The following TLE2 variants were observed in gnomAD, a reference collection of about 807,000 sequenced individuals.
TLE2 encodes transducin-like enhancer protein 2.
TLE2 carries 74 observed loss-of-function variants against 97.2 expected under a neutral mutation model. The observed-to-expected ratio is 0.76, with a 90% CI of 0.63 to 0.92. TLE2 has a LOEUF of 0.92. Among genes scored for constraint, TLE2 ranks in the 40% least tolerant of loss-of-function variants. The pLI is 0.00. For missense variants in TLE2, 1,038 were observed against 1,008.7 expected (o/e 1.03, Z -0.39); for synonymous variants, 499 against 432.1 (o/e 1.15, Z -1.92).
intron 15 of TLE2, 161 bp downstream of exon 15, chr19:3,006,259 G>T: frequency 7.9e-7 from 1 of 1,266,564 alleles, no homozygotes; most frequent in Non-Finnish European, 1.1e-6. Flanking sequence ...CCTTTGGCCT[G>T]CAAGCCTTGT....
At chr19:3,022,057 A>G (rs915450920) in intron 5 of TLE2, among the ~76,000 whole-genome samples, 1 of 150,780 alleles carries the variant, frequency 6.6e-6, no homozygotes, top group African/African-American at 2.4e-5. Context: ...TTATACATAT[A>G]TACTTATTTA....
intron 5 of TLE2, among the ~76,000 whole-genome samples, chr19:3,024,305 C>T (rs377374281): frequency 1.8e-4 from 27 of 152,074 alleles, no homozygotes; most frequent in African/African-American, 6.5e-4. Flanking sequence ...CGCACCTGGC[C>T]GAATTACAGT....
chr19:3,046,558 T>C (rs1568258869), upstream of TLE2, among the ~76,000 whole-genome samples: 1 of 147,686 alleles, frequency 6.8e-6, no homozygotes, highest in Non-Finnish European at 1.5e-5. Flanking sequence ...GAGTCCCCAG[T>C]CCCCTGACAG....
upstream of TLE2, among the ~76,000 whole-genome samples, chr19:3,030,524 C>A (rs2090014727): frequency 6.6e-6 from 1 of 152,166 alleles, no homozygotes; most frequent in Admixed American, 6.5e-5. Context: ...ATCCATGCCC[C>A]TTGATGACAC....
At chr19:3,032,115 G>A (rs2090029722), upstream of TLE2, among the ~76,000 whole-genome samples, 1 of 151,968 alleles carries the variant, frequency 6.6e-6, no homozygotes, top group Non-Finnish European at 1.5e-5. This position sits in a 1 kb window ranked among gnomAD's most constrained non-coding sequence, Gnocchi z 4.1. Context: ...TGTATTATTA[G>A]TAGAGACGGA....
Position 3,009,680 on chromosome 19 carries a change from CAG to C in TLE2, c.1033_1034del (p.Leu345ValfsTer50), listed in dbSNP as rs1568235971. On this transcript the variant is annotated frameshift_variant, in exon 13 of 20. Coordinates refer to ENST00000262953, the MANE Select transcript of TLE2 (RefSeq NM_003260.5). LOFTEE classifies it high-confidence loss of function. ...DSVALRSPLTLSSPFTTSFSL... is the reference protein window; with the variant it reads ...DSVALRSPLTXSSPFTTSFSL... ...TGAAGGACGTGGTGAAGGGACTGGA[CAG>C]AGTCAGGGGGCTCCTCAGGGCTGAG... 2 of 1,612,422 alleles carry C rather than the reference CAG, an allele frequency of 1.2e-6. No individual in the cohort carries two copies. The highest frequency in any genetic ancestry group is 1.7e-6 in the Non-Finnish European group (2 of 1,179,324).
rs776679423 is a variant in TLE2 at position 3,027,743 on chromosome 19, G to A, written c.231+86C>T. ...GACCCGTGTTCCCTAGGTCTGCTCT[G>A]GCCCCGGCTGCCCACTCTGGGTCCT... On this transcript the variant is annotated intron_variant, in intron 4 of 19. Coordinates refer to ENST00000262953, the MANE Select transcript of TLE2 (RefSeq NM_003260.5). 1.8e-4 allele frequency: 245 copies of A among 1,380,840 alleles called. 1 individual carries two copies. Among genetic ancestry groups the A allele is most frequent in the Non-Finnish European group, 2.3e-4 (232 of 991,692 alleles). 85.5% of individuals were successfully genotyped at this position (1,380,840 alleles called of 1,614,324 possible). A position where few individuals can be genotyped will look rare whatever the true frequency, so the allele number is the denominator to read the frequency against.
rs369264491 is a variant in TLE2, at chr19:3,005,834, G to A, written c.1635C>T (p.Ser545=). 7 of 1,613,880 alleles carry A rather than the reference G, an allele frequency of 4.3e-6. No individual in the cohort carries two copies. The African/African-American group carries it at 8.0e-5, about 18-fold the overall frequency. Residue 545 remains serine, a synonymous_variant, in exon 16 of 20, where the codon TCC becomes TCT. Transcript: ENST00000262953. Reference sequence around the variant, plus strand: ...CCAGGGCGTAGCAGGCTGGGGCTGAGGAAGTCAGCTCGGCCTTGATACGGG... The same window carrying A: ...CCAGGGCGTAGCAGGCTGGGGCTGAAGAAGTCAGCTCGGCCTTGATACGGG... ...PTPRIKAELT[S]SAPACYALAV... is the part of the protein sequence containing the mutation.
intron 19 of TLE2, among the ~76,000 whole-genome samples, chr19:3,000,284 C>T (rs1052778741): frequency 6.6e-6 from 1 of 151,542 alleles, no homozygotes; most frequent in Non-Finnish European, 1.5e-5. Flanking sequence ...ACCATATTAG[C>T]CAGGGTGGTC....
chr19:3,027,050 CTGAGGTCAATCTCAGAACCG>C (rs2089959497), intron 4 of TLE2, among the ~76,000 whole-genome samples: 1 of 152,114 alleles, frequency 6.6e-6, no homozygotes, highest in East Asian at 1.9e-4. Flanking sequence ...TCTCAGAAAA[CTGAGGTCAATCTCAGAACCG>C]TGAGGTCTAT....
At chr19:3,024,121 C>A (rs2089899616) in intron 5 of TLE2, among the ~76,000 whole-genome samples, 1 of 151,370 alleles carries the variant, frequency 6.6e-6, no homozygotes, top group African/African-American at 2.4e-5. Context: ...CTGCCTCAGC[C>A]TCCCGAGTAG....
At position 3,011,177 on chromosome 19, in the gene TLE2, G is replaced by A; in HGVS notation, c.874-17C>T. On this transcript the variant is annotated splice_polypyrimidine_tract_variant and intron_variant, in intron 11 of 19. Transcript: ENST00000262953. ...AAGGTCATTCTGCAGAGAAAGGGCA[G>A]GACTGAAGGCCACCAGGCACCTGGT... 1 of 1,561,590 alleles carries A rather than the reference G, an allele frequency of 6.4e-7. No individual in the cohort carries two copies. Among genetic ancestry groups the A allele is most frequent in the South Asian group, 1.2e-5 (1 of 83,022 alleles).
Position 3,019,339 on chromosome 19 carries a change from T to G in TLE2, c.494A>C (p.Gln165Pro). Residue 165 changes from glutamine to proline, a missense_variant, in exon 7 of 20, where the codon CAG becomes CCG. Transcript: ENST00000262953. The surrounding 1 kb of genome is among the most constrained non-coding windows in gnomAD (Gnocchi z 5.1). ...GTCCTCCTTGACAGCCGCCGCCAGC[T>G]GAGCCTGGGCAGCCAGGGCTCCAGA... ...ALSGALAAQA[Q>P]LAAAVKEDRA... 6.4e-7 allele frequency: 1 copy of G among 1,570,924 alleles called. No homozygotes were observed. Among genetic ancestry groups the G allele is most frequent in the Non-Finnish European group, 8.6e-7 (1 of 1,166,502 alleles).
intron 12 of TLE2, among the ~76,000 whole-genome samples, chr19:3,010,002 A>G (rs1484495111): frequency 6.6e-6 from 1 of 151,574 alleles, no homozygotes; most frequent in Admixed American, 6.6e-5. Flanking sequence ...CTGCTGCCTC[A>G]GCCTCCTGAG....
chr19:3,028,998 C>A lies in TLE2; in HGVS notation c.-94G>T. ...AGGCTGAAGTGGGGTGGTGGGGAGG[C>A]TGCCCGAAGAAAGAGGGAGGAGGGA... On this transcript the variant is annotated 5_prime_UTR_variant, in exon 1 of 20. Coordinates refer to ENST00000262953, the MANE Select transcript of TLE2 (RefSeq NM_003260.5). 6.5e-7 allele frequency: 1 copy of A among 1,539,836 alleles called. No homozygotes were observed. The highest frequency in any genetic ancestry group is 8.7e-7 in the Non-Finnish European group (1 of 1,144,234).
Position 3,015,674 on chromosome 19 carries a change from C to T in TLE2, c.657G>A (p.Glu219=). The change falls in exon 9 of 20, where the codon GAG becomes GAA. Residue 219 remains glutamate, a synonymous_variant. Coordinates refer to ENST00000262953, the MANE Select transcript of TLE2 (RefSeq NM_003260.5). ...TCACATAAGGTCCTGATGGCTCCTT[C>T]TCATCTGCTCTCTGCTTCCCGCCAC... ...PGGGGKQRAD[E]KEPSGPYESD... The T allele has an allele frequency of 6.2e-7, 1 of 1,610,322 alleles. No homozygotes were observed. Among genetic ancestry groups the T allele is most frequent in the Non-Finnish European group, 8.5e-7 (1 of 1,178,870 alleles).
chr19:3,040,991 T>TTATATATATATATATATATATA (rs1168113732), intron 1 of TLE2, among the ~76,000 whole-genome samples: 8 of 29,748 alleles, frequency 2.7e-4, no homozygotes, highest in African/African-American at 4.7e-4. Context: ...CTGCTGCCAT[T>TTATATATATATATATATATATA]TATATATATA....
In TLE2 at chr19:3,005,567, G is replaced by T. The variant is rs982586741; in HGVS notation, c.1766C>A (p.Thr589Lys). ...QTMVRQFQGH[T>K]DGASCIDISD... ...AATATCAATGCAGCTGGCGCCGTCC[G>T]TGTGGCCCTGGAACTGCCTGGAGGG... Residue 589 changes from threonine (T) to lysine (K), a missense_variant, in exon 17 of 20, where the codon ACG becomes AAG. Physicochemically the swap from Thr to Lys is moderately conservative, Grantham distance 78 (BLOSUM62 -1). Coordinates refer to ENST00000262953, the MANE Select transcript of TLE2 (RefSeq NM_003260.5). The T allele has an allele frequency of 5.0e-6, 8 of 1,613,088 alleles. No individual in the cohort carries two copies. Among genetic ancestry groups the T allele is most frequent in the Non-Finnish European group, 6.8e-6 (8 of 1,179,640 alleles).
At chr19:3,000,800 G>GCTGGGT in intron 18 of TLE2, 77 bp from the exon 19 acceptor site, 2 of 1,127,636 alleles carry the variant, frequency 1.8e-6, no homozygotes, top group Non-Finnish European at 1.3e-6. Context: ...GGTCGGGGAA[G>GCTGGGT]CTGGGTCTGG....
Sources: gnomAD v4.1 joint callset for allele counts (sites outside exome capture counted in the v4.1 genomes callset) on GRCh38, gnomAD v4.1.1 for gene constraint, Gnocchi (gnomAD v3.1) non-coding constraint, MANE v1.5 for transcripts, NCBI Gene and HGNC (gene_info 2026-07-23, HGNC 2026-07-21) for gene names.